The following ZNF236 variants were observed in gnomAD, a reference collection of about 807,000 sequenced individuals.
ZNF236 encodes the protein zinc finger protein 236, also known as regulated by glucose.
ZNF236 carries 50 observed loss-of-function variants against 191.2 expected under a neutral mutation model. The observed-to-expected ratio is 0.26, with a 90% CI of 0.21 to 0.33. The LOEUF is 0.33. ZNF236 is among the 10% of genes least tolerant of loss of function. The pLI is 1.00. For missense variants in ZNF236, 1,754 were observed against 2,374.5 expected, an observed-to-expected ratio of 0.74 and a Z score of 5.43; for synonymous variants, 907 against 928.8, an observed-to-expected ratio of 0.98 and a Z score of 0.43.
chr18:76,928,184 A>G (rs867791389), intron 25 of ZNF236, 78 bp downstream of exon 25: 18 of 1,196,150 alleles, frequency 1.5e-5, no homozygotes, highest in African/African-American at 9.3e-5. Flanking sequence ...TTTTCCTACA[A>G]TACTCTGCTG....
chr18:76,918,824 G>A (rs1967453177), intron 19 of ZNF236, among the ~76,000 whole-genome samples: 1 of 152,100 alleles, frequency 6.6e-6, no homozygotes, highest in African/African-American at 2.4e-5. Flanking sequence ...CAAAGCGGTG[G>A]GATTACAGGT....
intron 30 of ZNF236, among the ~76,000 whole-genome samples, chr18:76,961,577 C>T (rs577159350): frequency 6.6e-6 from 1 of 152,116 alleles, no homozygotes; most frequent in Non-Finnish European, 1.5e-5. Context: ...GTAGAGATAC[C>T]CAGTAGTGGG....
At chr18:76,940,184 A>G (rs200791727) in intron 26 of ZNF236, among the ~76,000 whole-genome samples, 143 of 102,990 alleles carry the variant, frequency 1.4e-3, no homozygotes, top group African/African-American at 4.6e-3. Flanking sequence ...TTGGGAACAC[A>G]GTGGGCTACC....
chr18:76,919,927 G>A lies in ZNF236; in HGVS notation c.3426G>A (p.Val1142=). 1 of 1,614,210 alleles carries A rather than the reference G, an allele frequency of 6.2e-7. No homozygotes were observed. Among genetic ancestry groups the A allele is most frequent in the Non-Finnish European group, 8.5e-7 (1 of 1,180,046 alleles). Residue 1142 remains valine (V), a synonymous_variant, in exon 20 of 31, where the codon GTG becomes GTA. Coordinates refer to ENST00000320610, the MANE Select transcript of ZNF236 (RefSeq NM_001306089.2). The surrounding 1 kb of genome is among the most constrained non-coding windows in gnomAD (Gnocchi z 5.3). Reference sequence around the variant, plus strand: ...CCACGGTGTCAGAGAAGGTCCTGGTGCAGTCCGCGGCAGAAAAGGACCGCA... The same window carrying A: ...CCACGGTGTCAGAGAAGGTCCTGGTACAGTCCGCGGCAGAAAAGGACCGCA... ...ESATVSEKVL[V]QSAAEKDRIS...
chr18:76,959,594 T>C, intron 28 of ZNF236, 93 bp from the exon 29 acceptor site: 2 of 1,436,698 alleles, frequency 1.4e-6, no homozygotes, highest in Non-Finnish European at 1.9e-6. Context: ...TCCTTGCCAC[T>C]GACTTGAACT....
chr18:76,902,326 A>G (rs989627820), intron 11 of ZNF236, among the ~76,000 whole-genome samples: 1 of 152,230 alleles, frequency 6.6e-6, no homozygotes, highest in East Asian at 1.9e-4. Context: ...AGAGTTTGAT[A>G]AAAACATGGT....
Position 76,851,864 on chromosome 18 carries a change from C to A in ZNF236, c.288C>A (p.Thr96=). The A allele has an allele frequency of 6.2e-7, 1 of 1,614,124 alleles. No homozygotes were observed. Among genetic ancestry groups the A allele is most frequent in the East Asian group, 2.2e-5 (1 of 44,888 alleles). Residue 96 remains threonine (T), a synonymous_variant, in exon 3 of 31, where the codon ACC becomes ACA. Transcript: ENST00000320610. The part of the protein sequence containing the change: ...HKCTHSGEDP[T]CPVCNKKFSR... The stretch of plus-strand genomic sequence containing the variant: ...GCACCCACAGCGGGGAAGATCCTAC[C>A]TGCCCTGTGTGTAACAAGAAATTCT...
chr18:76,869,067 G>A lies in ZNF236; in HGVS notation c.542+204G>A, dbSNP rs569797907. 3.9e-5 allele frequency among the ~76,000 whole-genome samples: 6 copies of A among 152,358 alleles called. No homozygotes were observed. In the East Asian group the frequency reaches 7.7e-4, roughly 20 times the overall value. ...ATAGTGTCAGGCTATGTGAGTAGAAGTGTTTACCTAGTATTATAATGTTGA... is the reference window on the plus strand; with the variant it reads ...ATAGTGTCAGGCTATGTGAGTAGAAATGTTTACCTAGTATTATAATGTTGA... On this transcript the variant is annotated intron_variant, in intron 4 of 30. Coordinates refer to ENST00000320610, the MANE Select transcript of ZNF236 (RefSeq NM_001306089.2).
At chr18:76,933,234 C>T (rs1183842583) in intron 25 of ZNF236, among the ~76,000 whole-genome samples, 2 of 152,094 alleles carry the variant, frequency 1.3e-5, no homozygotes, top group Non-Finnish European at 2.9e-5. Flanking sequence ...TTAGGGAGGC[C>T]GAGGCGGGCG....
In ZNF236 at chr18:76,968,762, G is replaced by A. The variant is rs184533562; in HGVS notation, c.*423G>A. On this transcript the variant is annotated 3_prime_UTR_variant, in exon 31 of 31. Transcript: ENST00000320610. ...AAGAAGCATAGCTTACAAAGCAAGC[G>A]TAAGATTGAGGCATGAAGTTCAGAA... 6.0e-6 allele frequency: 6 copies of A among 992,678 alleles called. No individual in the cohort carries two copies. Among genetic ancestry groups the A allele is most frequent in the Non-Finnish European group, 7.2e-6 (6 of 835,090 alleles). The allele number at this position is 992,678 out of a possible 1,614,324, so 61.5% of individuals were successfully genotyped here.
At chr18:76,901,223 T>A (rs922182954) in intron 11 of ZNF236, among the ~76,000 whole-genome samples, 1 of 152,154 alleles carries the variant, frequency 6.6e-6, no homozygotes, top group African/African-American at 2.4e-5. Context: ...AAAATATAGA[T>A]GACTTGTCAC....
chr18:76,950,071 G>T (rs577378716), intron 27 of ZNF236, among the ~76,000 whole-genome samples: 4 of 152,242 alleles, frequency 2.6e-5, no homozygotes, highest in African/African-American at 9.6e-5. Flanking sequence ...CTGGTTGAGG[G>T]TCTTGCCTTG....
At chr18:76,834,859 G>A in intron 1 of ZNF236, 1 of 400,472 alleles carries the variant, frequency 2.5e-6, no homozygotes, top group South Asian at 2.1e-5. Flanking sequence ...TGTTACTTTG[G>A]TCAGAAGTCA....
At chr18:76,940,780 G>A (rs1968117457) in intron 26 of ZNF236, among the ~76,000 whole-genome samples, 1 of 152,084 alleles carries the variant, frequency 6.6e-6, no homozygotes, top group Non-Finnish European at 1.5e-5. Flanking sequence ...CTTTTTTGTA[G>A]AACAGGGGTC....
In ZNF236 at chr18:76,958,806, C is replaced by A. The variant is rs1218099699; in HGVS notation, c.5113-881C>A. On this transcript the variant is annotated intron_variant, in intron 28 of 30. Coordinates refer to ENST00000320610, the MANE Select transcript of ZNF236 (RefSeq NM_001306089.2). ...CGAGTTTGTTTTTCCCACCCTGCTGCTTTCATTACACCCACCTCCCAGACT... is the reference window on the plus strand; with the variant it reads ...CGAGTTTGTTTTTCCCACCCTGCTGATTTCATTACACCCACCTCCCAGACT... Among the ~76,000 whole-genome samples, 6 of 152,194 alleles carry A rather than the reference C, an allele frequency of 3.9e-5. No individual in the cohort carries two copies. The East Asian group carries it at 5.8e-4, about 15-fold the overall frequency.
chr18:76,922,337 G>C (rs1422135370), intron 20 of ZNF236, among the ~76,000 whole-genome samples: 1 of 152,186 alleles, frequency 6.6e-6, no homozygotes, highest in Non-Finnish European at 1.5e-5. Context: ...CCGAGTGCCT[G>C]TTTTACAGCT....
intron 1 of ZNF236, chr18:76,824,025 C>G (rs552173593): frequency 8.6e-6 from 3 of 350,844 alleles, no homozygotes; most frequent in Non-Finnish European, 5.4e-6. Flanking sequence ...GTGGGTTATA[C>G]CTTGACTGCC....
intron 1 of ZNF236, among the ~76,000 whole-genome samples, chr18:76,841,451 C>T (rs999911387): frequency 6.6e-6 from 1 of 152,190 alleles, no homozygotes; most frequent in African/African-American, 2.4e-5. Context: ...TAATGAGTTT[C>T]TGAACAGATA....
rs1967638101 is a variant in ZNF236 at position 76,925,098 on chromosome 18, A to G, written c.3662-91A>G. 2.0e-6 allele frequency: 3 copies of G among 1,525,416 alleles called. No individual in the cohort carries two copies. The highest frequency in any genetic ancestry group is 2.6e-6 in the Non-Finnish European group (3 of 1,138,760). 94.5% of individuals were successfully genotyped at this position (1,525,416 alleles called of 1,614,324 possible). A position where few individuals can be genotyped will look rare whatever the true frequency, so the allele number is the denominator to read the frequency against. ...AAGTACTTCCATCCACTGATTCAAC[A>G]TATTTACATCCATAGTGACAGCTGA... On this transcript the variant is annotated intron_variant, in intron 21 of 30. Transcript: ENST00000320610. This position sits in a 1 kb window ranked among gnomAD's most constrained non-coding sequence, Gnocchi z 5.7.
Sources: gnomAD v4.1 joint callset for allele counts (sites outside exome capture counted in the v4.1 genomes callset) on GRCh38, gnomAD v4.1.1 for gene constraint, Gnocchi (gnomAD v3.1) non-coding constraint, MANE v1.5 for transcripts, NCBI Gene and HGNC (gene_info 2026-07-23, HGNC 2026-07-21) for gene names.